Variants in POLR1D observed in about 807,000 individuals in gnomAD.
POLR1D encodes the protein RNA polymerase I and III subunit D.
In POLR1D, 8 loss-of-function variants were observed where a neutral mutation model predicts 10.8. The observed-to-expected ratio is 0.74, with a 90% confidence interval of 0.43 to 1.33. The LOEUF (loss-of-function observed/expected upper bound fraction) is 1.33, where lower values mean the gene tolerates loss of function less well. POLR1D is among the 40% of genes most tolerant of loss of function. POLR1D has a pLI of 0.01. For missense variants in POLR1D, 152 were observed against 161.7 expected (o/e 0.94, Z 0.32); for synonymous variants, 54 against 57.2 (o/e 0.94, Z 0.25).
chr13:27,631,625 A>G (rs1956074288), intron 1 of POLR1D, among the ~76,000 whole-genome samples: 1 of 152,196 alleles, frequency 6.6e-6, no homozygotes, highest in Admixed American at 6.5e-5. Flanking sequence ...CTCATTGTCA[A>G]CTGACATTAT....
intron 1 of POLR1D, 114 bp downstream of exon 1, chr13:27,622,123 G>T: frequency 1.2e-6 from 1 of 867,334 alleles, no homozygotes; most frequent in Non-Finnish European, 1.9e-6. Context: ...CAGAGAAGAA[G>T]CATGGAGAGA....
At chr13:27,628,188 TAAG>T (rs771259257), downstream of POLR1D, among the ~76,000 whole-genome samples, 67 of 152,304 alleles carry the variant, frequency 4.4e-4, no homozygotes, top group Admixed American at 2.2e-3. Flanking sequence ...AATTGAGAGT[TAAG>T]AAGAGGCGAT....
At chr13:27,658,282 C>T (rs1192859752) in intron 2 of POLR1D, among the ~76,000 whole-genome samples, 1 of 152,186 alleles carries the variant, frequency 6.6e-6, no homozygotes, top group Non-Finnish European at 1.5e-5. Flanking sequence ...TGATACCAGC[C>T]TGCTCTGCAG....
chr13:27,647,345 A>T (rs979925416), intron 1 of POLR1D, among the ~76,000 whole-genome samples: 1 of 152,016 alleles, frequency 6.6e-6, no homozygotes, highest in South Asian at 2.1e-4. Flanking sequence ...CTTAAAACTC[A>T]TCTTACTGTT....
At chr13:27,659,006 C>T (rs1956332837) in intron 2 of POLR1D, among the ~76,000 whole-genome samples, 1 of 152,092 alleles carries the variant, frequency 6.6e-6, no homozygotes, top group South Asian at 2.1e-4. Context: ...GTTCTCTTAA[C>T]CCAATTGTTT....
At position 27,665,765 on chromosome 13, in the gene POLR1D, C is replaced by T; in HGVS notation, c.181C>T (p.Gln61Ter). The T allele has an allele frequency of 6.2e-7, 1 of 1,613,582 alleles. No individual in the cohort carries two copies. Among genetic ancestry groups the T allele is most frequent in the Non-Finnish European group, 8.5e-7 (1 of 1,179,474 alleles). The change falls in exon 3 of 3, where the codon CAA (glutamine) becomes TAA (stop). Residue 61 changes from glutamine (Q) to a stop codon, truncating the protein, a stop_gained. Coordinates refer to the POLR1D transcript ENST00000399697. LOFTEE classifies it low-confidence loss of function (END_TRUNC). ...AAACACATTGCCCTCTCATAAAGAG[C>T]AAGACCATGAACAAAAAGAGGGCGA...
At chr13:27,629,670 GAT>G (rs1432824964) in intron 1 of POLR1D, among the ~76,000 whole-genome samples, 2 of 152,068 alleles carry the variant, frequency 1.3e-5, no homozygotes, top group African/African-American at 4.8e-5. Context: ...TTATTAATAG[GAT>G]ATAGAGAAAA....
At chr13:27,623,858 G>A (rs1184964286), downstream of POLR1D, among the ~76,000 whole-genome samples, 1 of 152,186 alleles carries the variant, frequency 6.6e-6, no homozygotes, top group Non-Finnish European at 1.5e-5. Flanking sequence ...GGCATTTACA[G>A]GAAAGATACC....
At chr13:27,648,483 C>G (rs763521796) in intron 2 of POLR1D, 206 of 1,452,856 alleles carry the variant, frequency 1.4e-4, no homozygotes, top group Non-Finnish European at 1.7e-4. Context: ...TTCCTTAAAA[C>G]TTAAGAAAAA....
intron 2 of POLR1D, among the ~76,000 whole-genome samples, chr13:27,653,256 T>G (rs1315069933): frequency 6.6e-6 from 1 of 152,126 alleles, no homozygotes; most frequent in Non-Finnish European, 1.5e-5. Flanking sequence ...GATGTCTACA[T>G]CTAGCTGCAA....
At chr13:27,625,205 G>A (rs1175093924), downstream of POLR1D, among the ~76,000 whole-genome samples, 1 of 152,162 alleles carries the variant, frequency 6.6e-6, no homozygotes. Flanking sequence ...GAAGAGTTGG[G>A]GTAGTAGGGA....
chr13:27,655,086 A>G (rs1320684182), intron 2 of POLR1D, among the ~76,000 whole-genome samples: 1 of 152,186 alleles, frequency 6.6e-6, no homozygotes, highest in African/African-American at 2.4e-5. Flanking sequence ...AAAAAAGGAG[A>G]CAAAGGGTCA....
At chr13:27,659,343 G>C (rs1006279983) in intron 2 of POLR1D, among the ~76,000 whole-genome samples, 1 of 152,198 alleles carries the variant, frequency 6.6e-6, no homozygotes, top group African/African-American at 2.4e-5. Context: ...GACTGTGTTA[G>C]AACCAATGAG....
At chr13:27,665,490 C>G (rs918656125) in intron 2 of POLR1D, 13 of 610,636 alleles carry the variant, frequency 2.1e-5, no homozygotes, top group Admixed American at 5.8e-5. Flanking sequence ...AGTCTTGTCT[C>G]AAGAATTCCA....
chr13:27,625,249 T>G (rs2138522871), downstream of POLR1D, among the ~76,000 whole-genome samples: 1 of 152,254 alleles, frequency 6.6e-6, no homozygotes, highest in Non-Finnish European at 1.5e-5. Flanking sequence ...AATGACGTCT[T>G]CTTTACTTTG....
chr13:27,639,668 C>G (rs1185087715), intron 1 of POLR1D, among the ~76,000 whole-genome samples: 1 of 152,162 alleles, frequency 6.6e-6, no homozygotes, highest in Non-Finnish European at 1.5e-5. Flanking sequence ...TAAGTTTTCC[C>G]TGGGAGCTAA....
At chr13:27,666,639 A>C (rs1450653698) in exon 3 of POLR1D, 1 of 152,194 alleles carries the variant, frequency 6.6e-6, no homozygotes, top group Admixed American at 6.5e-5. Flanking sequence ...GTGGTGCTTT[A>C]AAAAGAACCC....
At chr13:27,632,258 T>C (rs1956081277) in intron 1 of POLR1D, among the ~76,000 whole-genome samples, 2 of 152,186 alleles carry the variant, frequency 1.3e-5, no homozygotes, top group African/African-American at 4.8e-5. Context: ...TGGGATCTTA[T>C]CCCCACAGAA....
In POLR1D at chr13:27,622,870, T is replaced by C; in HGVS notation, c.27-5T>C. On this transcript the variant is annotated splice_polypyrimidine_tract_variant and splice_region_variant and intron_variant, in intron 1 of 1. Coordinates refer to ENST00000302979, the MANE Select transcript of POLR1D (RefSeq NM_015972.4). The stretch of plus-strand genomic sequence containing the variant: ...ATCTCATTTTTATAAAAAATATGTG[T>C]GTAGAAAAATATCTGGATTGAAGAC... 6.3e-7 allele frequency: 1 copy of C among 1,586,606 alleles called. No homozygotes were observed. Among genetic ancestry groups the C allele is most frequent in the Non-Finnish European group, 8.7e-7 (1 of 1,155,344 alleles).
Sources: gnomAD v4.1 joint callset for allele counts (sites outside exome capture counted in the v4.1 genomes callset) on GRCh38, gnomAD v4.1.1 for gene constraint, MANE v1.5 for transcripts, NCBI Gene and HGNC (gene_info 2026-07-23, HGNC 2026-07-21) for gene names.